PTPRK: variants seen among roughly 807,000 people sequenced by gnomAD.
PTPRK encodes protein tyrosine phosphatase receptor type K.
PTPRK carries 75 observed loss-of-function variants against 178.0 expected under a neutral mutation model. The ratio of observed to expected loss-of-function variants is 0.42; its 90% CI spans 0.35 to 0.51. The LOEUF (loss-of-function observed/expected upper bound fraction) is 0.51. PTPRK is among the 20% of genes least tolerant of loss of function. The pLI is 0.02. For synonymous variants in PTPRK, 637 were observed against 620.6 expected, an observed-to-expected ratio of 1.03 and a Z score of -0.39; for missense variants, 1,441 against 1,797.8, an observed-to-expected ratio of 0.80 and a Z score of 3.59.
At chr6:128,339,674 A>G (rs1831409283) in intron 2 of PTPRK, among the ~76,000 whole-genome samples, 2 of 152,164 alleles carry the variant, frequency 1.3e-5, no homozygotes, top group Non-Finnish European at 2.9e-5. Flanking sequence ...ACACAGAAAA[A>G]AAAATATCCT....
At chr6:128,263,165 G>C (rs546605623) in intron 3 of PTPRK, among the ~76,000 whole-genome samples, 13 of 152,286 alleles carry the variant, frequency 8.5e-5, no homozygotes, top group Non-Finnish European at 1.9e-4. Context: ...CCTATGAGAA[G>C]AGGTGGCTGG....
chr6:128,164,720 G>C (rs1032413164), intron 7 of PTPRK, among the ~76,000 whole-genome samples: 4 of 131,260 alleles, frequency 3.0e-5, no homozygotes, highest in Non-Finnish European at 6.1e-5. Flanking sequence ...ATTACAGGCT[G>C]GGGGGGGAGA....
At chr6:128,352,911 G>A (rs1274281877) in intron 2 of PTPRK, among the ~76,000 whole-genome samples, 1 of 151,948 alleles carries the variant, frequency 6.6e-6, no homozygotes, top group Non-Finnish European at 1.5e-5. Context: ...GAAAATTTTT[G>A]TCAAAACACT....
chr6:128,476,022 A>G (rs1851330480), intron 1 of PTPRK, among the ~76,000 whole-genome samples: 2 of 152,076 alleles, frequency 1.3e-5, no homozygotes, highest in African/African-American at 4.8e-5. Flanking sequence ...AAATTTAGAA[A>G]GGATATCTTA....
At chr6:128,245,347 T>A (rs374419209) in intron 3 of PTPRK, among the ~76,000 whole-genome samples, 1 of 152,190 alleles carries the variant, frequency 6.6e-6, no homozygotes, top group African/African-American at 2.4e-5. Flanking sequence ...AAGTAAATTT[T>A]AAATTTAAAA....
intron 9 of PTPRK, 41 bp from the exon 10 acceptor site, chr6:128,082,679 C>A (rs775932752): frequency 1.4e-6 from 2 of 1,419,974 alleles, no homozygotes; most frequent in South Asian, 2.7e-5. Context: ...TAGTATCCAT[C>A]ATAAGAAACT....
chr6:128,109,565 T>C (rs1322018424), intron 7 of PTPRK, among the ~76,000 whole-genome samples: 5 of 152,120 alleles, frequency 3.3e-5, no homozygotes, highest in Non-Finnish European at 7.4e-5. Flanking sequence ...AATCTCTTTG[T>C]GCTAGAACAA....
chr6:128,368,996 A>G lies in PTPRK; in HGVS notation c.223+28570T>C, dbSNP rs185227055. Among the ~76,000 whole-genome samples the G allele has an allele frequency of 3.9e-5, 6 of 152,234 alleles. No homozygotes were observed. The East Asian group carries it at 1.2e-3, about 29-fold the overall frequency. ...AGCAATAACAACAAAAAAATCACCC[A>G]AGAGCTAAACTACATAGTTGACTTA... is the stretch of plus-strand genomic sequence containing the variant. On this transcript the variant is annotated intron_variant, in intron 2 of 29. Transcript: ENST00000368226.
intron 6 of PTPRK, among the ~76,000 whole-genome samples, chr6:128,190,506 T>TC (rs1294606789): frequency 7.2e-6 from 1 of 138,474 alleles, no homozygotes; most frequent in African/African-American, 2.8e-5. Context: ...TTTTTTTTTT[T>TC]TTTTTTTTTT....
chr6:128,212,980 T>C (rs909405460), intron 6 of PTPRK, among the ~76,000 whole-genome samples: 75 of 152,074 alleles, frequency 4.9e-4, no homozygotes, highest in African/African-American at 1.8e-3. Context: ...GTGGATCAAG[T>C]AGAGTTTCAG....
chr6:128,213,379 G>T (rs1240960939), intron 6 of PTPRK, among the ~76,000 whole-genome samples: 1 of 151,946 alleles, frequency 6.6e-6, no homozygotes, highest in Non-Finnish European at 1.5e-5. Flanking sequence ...TGACACATTT[G>T]GTATCCACTG....
intron 1 of PTPRK, among the ~76,000 whole-genome samples, chr6:128,498,405 G>C (rs1855043068): frequency 1.3e-5 from 2 of 152,268 alleles, no homozygotes; most frequent in Middle Eastern, 3.4e-3. Context: ...CAACCCATGG[G>C]GGAGACGTTT....
rs533589275 is a variant in PTPRK, at chr6:128,116,917, C to T, written c.1163-26925G>A. Among the ~76,000 whole-genome samples the T allele has an allele frequency of 5.7e-3, 863 of 152,178 alleles. 7 individuals are homozygous for T. The highest frequency in any genetic ancestry group is 0.02 in the African/African-American group (811 of 41,524). ...ATCCCAGCACTTTGGGAGGCCGAGG[C>T]GTGTGGATCACGAGGTCAGGAGATC... On this transcript the variant is annotated intron_variant, in intron 7 of 29. Transcript: ENST00000368226.
intron 1 of PTPRK, among the ~76,000 whole-genome samples, chr6:128,496,343 TAGTAA>T (rs1226228658): frequency 6.6e-6 from 1 of 152,122 alleles, no homozygotes; most frequent in Admixed American, 6.6e-5. Context: ...CCCAGTCCAG[TAGTAA>T]AGTAGAGAAT....
At chr6:128,498,402 T>G (rs1855042547) in intron 1 of PTPRK, among the ~76,000 whole-genome samples, 2 of 152,130 alleles carry the variant, frequency 1.3e-5, no homozygotes. Context: ...CTCCAACCCA[T>G]GGGGGAGACG....
chr6:128,498,209 C>T (rs559791113), intron 1 of PTPRK, among the ~76,000 whole-genome samples: 50 of 152,288 alleles, frequency 3.3e-4, no homozygotes, highest in African/African-American at 1.0e-3. Flanking sequence ...ATCCAAACTA[C>T]GGACAGTTTC....
intron 7 of PTPRK, among the ~76,000 whole-genome samples, chr6:128,131,193 T>A (rs1452596676): frequency 6.6e-6 from 1 of 152,182 alleles, no homozygotes; most frequent in Non-Finnish European, 1.5e-5. Context: ...GCTTTGAGCA[T>A]TCTATTCATG....
intron 2 of PTPRK, among the ~76,000 whole-genome samples, chr6:128,376,059 C>G (rs1013839670): frequency 6.6e-6 from 1 of 152,086 alleles, no homozygotes; most frequent in Non-Finnish European, 1.5e-5. Context: ...TCCAGGCACA[C>G]AATGCAAGCT....
chr6:127,995,187 C>G (rs1427092280), intron 18 of PTPRK: 2 of 1,451,668 alleles, frequency 1.4e-6, no homozygotes, highest in South Asian at 1.2e-5. Context: ...TTAGTAATAA[C>G]TGTAATTAAG....
Sources: allele counts gnomAD v4.1 joint callset (sites outside exome capture counted in the v4.1 genomes callset), GRCh38; gene constraint gnomAD v4.1.1; transcripts MANE v1.5; gene names NCBI Gene and HGNC (gene_info 2026-07-23, HGNC 2026-07-21).